Variants in DPYD observed in about 807,000 individuals in gnomAD.
DPYD encodes dihydropyrimidine dehydrogenase [NADP(+)].
In DPYD, 109 loss-of-function variants were observed where a neutral mutation model predicts 116.2. That is an observed-to-expected ratio of 0.94 (90% CI 0.80 to 1.10). The LOEUF is 1.10. Ranked by LOEUF, DPYD falls within the 50% of genes least tolerant of loss-of-function variation. DPYD has a pLI of 0.00. For synonymous variants in DPYD, 440 were observed against 432.0 expected, an observed-to-expected ratio of 1.02 and a Z score of -0.23; for missense variants, 1,302 against 1,254.5, an observed-to-expected ratio of 1.04 and a Z score of -0.57.
intron 14 of DPYD, among the ~76,000 whole-genome samples, chr1:97,386,557 G>C (rs549457327): frequency 3.7e-4 from 57 of 152,094 alleles, no homozygotes; most frequent in Admixed American, 1.6e-3. Flanking sequence ...TTACATTCTT[G>C]TTTCTATGAT....
At chr1:97,179,379 ATGGG>A (rs1037696816) in intron 20 of DPYD, among the ~76,000 whole-genome samples, 7 of 152,142 alleles carry the variant, frequency 4.6e-5, no homozygotes, top group African/African-American at 1.7e-4. Flanking sequence ...TAGCCTGATG[ATGGG>A]TGGGTGACAT....
In DPYD at chr1:97,814,607, T is replaced by C. The variant is rs115737435; in HGVS notation, c.233+13507A>G. ...TTTCCACGAATTCCAGATTTGTAGTTCAAATAACTAAAGATGATGCTACTG... is the reference window on the plus strand; with the variant it reads ...TTTCCACGAATTCCAGATTTGTAGTCCAAATAACTAAAGATGATGCTACTG... On this transcript the variant is annotated intron_variant, in intron 3 of 22. Transcript: ENST00000370192. Among the ~76,000 whole-genome samples, 1,338 of 152,144 alleles carry C rather than the reference T, an allele frequency of 8.8e-3. 10 individuals carry two copies. Among genetic ancestry groups the C allele is most frequent in the Middle Eastern group, 0.021 (6 of 292 alleles).
intron 1 of DPYD, among the ~76,000 whole-genome samples, chr1:97,885,166 A>C (rs1672417925): frequency 6.6e-6 from 1 of 152,000 alleles, no homozygotes; most frequent in African/African-American, 2.4e-5. Context: ...GATTTAACCA[A>C]ATCCAAGATC....
chr1:97,695,100 C>T (rs996644159), intron 6 of DPYD, among the ~76,000 whole-genome samples: 4 of 152,080 alleles, frequency 2.6e-5, no homozygotes, highest in Non-Finnish European at 4.4e-5. Flanking sequence ...TGTGATACTA[C>T]AGATTCCAAT....
intron 11 of DPYD, among the ~76,000 whole-genome samples, chr1:97,552,612 T>G (rs568191748): frequency 7.4e-4 from 112 of 152,198 alleles, no homozygotes; most frequent in African/African-American, 2.6e-3. Flanking sequence ...AAAAATAAGC[T>G]TTCTTTCCTT....
intron 14 of DPYD, among the ~76,000 whole-genome samples, chr1:97,407,432 C>G (rs1411823022): frequency 1.3e-5 from 2 of 151,988 alleles, no homozygotes; most frequent in Non-Finnish European, 2.9e-5. Context: ...TTAGATAATC[C>G]TGGCGTGTAC....
chr1:97,317,799 T>G (rs1240437971), intron 16 of DPYD, among the ~76,000 whole-genome samples: 1 of 151,950 alleles, frequency 6.6e-6, no homozygotes, highest in South Asian at 2.1e-4. Context: ...GTCCTGGGAA[T>G]GTTATGAAAT....
chr1:97,650,490 G>A (rs925004965), intron 8 of DPYD, among the ~76,000 whole-genome samples: 5 of 151,974 alleles, frequency 3.3e-5, no homozygotes, highest in Non-Finnish European at 4.4e-5. Context: ...TAACAATTAC[G>A]CACACAATTT....
At chr1:97,520,933 C>CA (rs1236848335) in intron 12 of DPYD, among the ~76,000 whole-genome samples, 3 of 152,044 alleles carry the variant, frequency 2.0e-5, no homozygotes, top group African/African-American at 7.2e-5. Context: ...CTTCAATAAA[C>CA]ATGTGTGTGC....
chr1:97,437,051 TATAC>T (rs1197547454), intron 14 of DPYD, among the ~76,000 whole-genome samples: 14 of 151,850 alleles, frequency 9.2e-5, no homozygotes, highest in South Asian at 2.1e-4. Flanking sequence ...TACAATAAAT[TATAC>T]ATACTTAAAG....
intron 1 of DPYD, among the ~76,000 whole-genome samples, chr1:97,895,689 T>A (rs568443523): frequency 4.0e-5 from 6 of 151,752 alleles, no homozygotes; most frequent in Admixed American, 3.9e-4. Context: ...GGGAATTGGG[T>A]GAGTTGAGGA....
chr1:97,094,609 G>A (rs1380516625), intron 21 of DPYD, among the ~76,000 whole-genome samples: 1 of 152,124 alleles, frequency 6.6e-6, no homozygotes, highest in Non-Finnish European at 1.5e-5. Context: ...GGTTTGGAAG[G>A]AATGGGAATC....
intron 12 of DPYD, among the ~76,000 whole-genome samples, chr1:97,531,798 G>A (rs1164261449): frequency 6.6e-6 from 1 of 151,998 alleles, no homozygotes; most frequent in Non-Finnish European, 1.5e-5. Context: ...TTTACTTTCT[G>A]GCAGTATTTT....
chr1:97,457,386 A>C (rs1010734216), intron 13 of DPYD, among the ~76,000 whole-genome samples: 4 of 152,128 alleles, frequency 2.6e-5, no homozygotes, highest in Admixed American at 2.6e-4. Flanking sequence ...TTTATGTCTG[A>C]CTGATAAAAA....
Position 97,593,317 on chromosome 1 carries a change from A to G in DPYD, c.1029T>C (p.Thr343=), listed in dbSNP as rs770818300. The G allele has an allele frequency of 2.5e-6, 4 of 1,614,134 alleles. No individual in the cohort carries two copies. Among genetic ancestry groups the G allele is most frequent in the East Asian group, 2.2e-5 (1 of 44,862 alleles). Residue 343 remains threonine (T), a synonymous_variant, in exon 10 of 23, where the codon ACT becomes ACC. Coordinates refer to ENST00000370192, the MANE Select transcript of DPYD (RefSeq NM_000110.4). ...GAGCAGATGTTGCACAGTCAAAGGCAGTGTCTCCAGCTCCAAGTACAATCA... is the reference window on the plus strand; with the variant it reads ...GAGCAGATGTTGCACAGTCAAAGGCGGTGTCTCCAGCTCCAAGTACAATCA... The part of the protein sequence containing the change: ...GVVIVLGAGD[T]AFDCATSALR...
intron 20 of DPYD, among the ~76,000 whole-genome samples, chr1:97,127,749 CAT>C (rs747309002): frequency 6.6e-6 from 1 of 152,140 alleles, no homozygotes; most frequent in Non-Finnish European, 1.5e-5. Flanking sequence ...AGACCTTTGA[CAT>C]CAACATTTCC....
At chr1:97,489,252 C>A (rs897341612) in intron 13 of DPYD, among the ~76,000 whole-genome samples, 2 of 152,146 alleles carry the variant, frequency 1.3e-5, no homozygotes, top group East Asian at 1.9e-4. Context: ...ATTAAGCAAG[C>A]GCACCAGGTT....
At chr1:97,624,610 C>T (rs1656817814) in intron 8 of DPYD, among the ~76,000 whole-genome samples, 1 of 151,994 alleles carries the variant, frequency 6.6e-6, no homozygotes, top group Non-Finnish European at 1.5e-5. Flanking sequence ...AATCCCACTT[C>T]TGGGTATTTA....
intron 18 of DPYD, among the ~76,000 whole-genome samples, chr1:97,260,550 TG>T (rs1663808410): frequency 6.6e-6 from 1 of 152,104 alleles, no homozygotes; most frequent in Non-Finnish European, 1.5e-5. Flanking sequence ...AGTATACAAT[TG>T]AAAAATATTT....
Sources: gnomAD v4.1 joint callset for allele counts (sites outside exome capture counted in the v4.1 genomes callset) on GRCh38, gnomAD v4.1.1 for gene constraint, MANE v1.5 for transcripts, NCBI Gene and HGNC (gene_info 2026-07-23, HGNC 2026-07-21) for gene names.